ZNF136: variants seen among roughly 807,000 people sequenced by gnomAD.
ZNF136 encodes the protein zinc finger protein 136.
In ZNF136, 8 loss-of-function variants were observed where a neutral mutation model predicts 11.4. The observed-to-expected ratio is 0.70, with a 90% CI of 0.41 to 1.27. The LOEUF (loss-of-function observed/expected upper bound fraction) is 1.27. Ranked by LOEUF, ZNF136 falls within the 50% of genes most tolerant of loss-of-function variation. The probability of loss-of-function intolerance (pLI) is 0.01; values close to 1 mark genes in which losing one functional copy is unlikely to be tolerated. For missense variants in ZNF136, 590 were observed against 656.5 expected, an observed-to-expected ratio of 0.90 and a Z score of 1.11; for synonymous variants, 190 against 207.1, an observed-to-expected ratio of 0.92 and a Z score of 0.71.
chr19:12,183,699 A>T (rs1410459500), intron 1 of ZNF136, among the ~76,000 whole-genome samples: 1 of 152,046 alleles, frequency 6.6e-6, no homozygotes, highest in Non-Finnish European at 1.5e-5. Flanking sequence ...CCTGGTCTCA[A>T]GCAGTCCTCT....
At position 12,182,366 on chromosome 19, in the gene ZNF136, G is replaced by T. The variant is rs188515346; in HGVS notation, c.4-3419G>T. Among the ~76,000 whole-genome samples the T allele has an allele frequency of 2.0e-5, 3 of 152,318 alleles. No homozygotes were observed. In the East Asian group the frequency reaches 5.8e-4, roughly 29 times the overall value. ...CTGTCCTCTCTTTTCCTGGTCCTGG[G>T]GTTCAGAACTGACTGGGGCTGCCCC... On this transcript the variant is annotated intron_variant, in intron 1 of 3. Coordinates refer to ENST00000343979, the MANE Select transcript of ZNF136 (RefSeq NM_003437.5).
At chr19:12,171,312 A>G (rs1232577553) in intron 1 of ZNF136, among the ~76,000 whole-genome samples, 1 of 152,160 alleles carries the variant, frequency 6.6e-6, no homozygotes, top group African/African-American at 2.4e-5. Flanking sequence ...GGAAAAAAAA[A>G]TCCCTGGGAT....
intron 1 of ZNF136, among the ~76,000 whole-genome samples, chr19:12,176,897 G>C (rs567433743): frequency 2.0e-5 from 3 of 152,266 alleles, no homozygotes; most frequent in East Asian, 1.9e-4. Context: ...GTCTACCTGG[G>C]TATGGCCACC....
chr19:12,170,338 C>G (rs1914622108), intron 1 of ZNF136, among the ~76,000 whole-genome samples: 1 of 152,078 alleles, frequency 6.6e-6, no homozygotes, highest in South Asian at 2.1e-4. Flanking sequence ...AGTATTTTAT[C>G]TGTTGCCAAT....
intron 1 of ZNF136, chr19:12,169,537 G>A (rs1167922769): frequency 6.6e-6 from 1 of 152,112 alleles, no homozygotes; most frequent in Non-Finnish European, 1.5e-5. Flanking sequence ...TAAGCCTTGG[G>A]CATTTCTGGC....
chr19:12,163,342 C>A, intron 1 of ZNF136, 136 bp downstream of exon 1: 2 of 1,154,200 alleles, frequency 1.7e-6, no homozygotes, highest in Non-Finnish European at 2.2e-6. Flanking sequence ...CGCAGCTCAG[C>A]CCTTGGTACC....
chr19:12,163,396 C>A (rs1178643495), intron 1 of ZNF136, among the ~76,000 whole-genome samples, 190 bp downstream of exon 1: 1 of 152,226 alleles, frequency 6.6e-6, no homozygotes. Context: ...GGACCCCGGG[C>A]GTCCTCGTCC....
intron 1 of ZNF136, among the ~76,000 whole-genome samples, chr19:12,179,678 T>TCTC (rs1322938924): frequency 2.0e-5 from 3 of 152,120 alleles, no homozygotes; most frequent in Non-Finnish European, 4.4e-5. Flanking sequence ...GCAAGAAGCT[T>TCTC]CTCTGGATTG....
chr19:12,185,964 T>C (rs1415840901), intron 2 of ZNF136, 53 bp downstream of exon 2: 48 of 1,610,030 alleles, frequency 3.0e-5, no homozygotes, highest in Non-Finnish European at 3.9e-5. Context: ...GTGCTTCTTG[T>C]GCAGTGATGC....
At chr19:12,181,674 G>A (rs374767956) in intron 1 of ZNF136, among the ~76,000 whole-genome samples, 4 of 151,558 alleles carry the variant, frequency 2.6e-5, no homozygotes, top group South Asian at 2.1e-4. Context: ...TCACTGAGTC[G>A]CCCAGGCTGG....
intron 1 of ZNF136, among the ~76,000 whole-genome samples, chr19:12,174,256 C>G (rs916112616): frequency 3.9e-5 from 6 of 152,084 alleles, no homozygotes; most frequent in African/African-American, 1.2e-4. Context: ...GTCACAGAAG[C>G]CTTTTGTGTT....
At chr19:12,181,890 C>T (rs1410219021) in intron 1 of ZNF136, among the ~76,000 whole-genome samples, 1 of 152,172 alleles carries the variant, frequency 6.6e-6, no homozygotes, top group Non-Finnish European at 1.5e-5. Flanking sequence ...CTGTCTCTGC[C>T]TCCCAAAGTA....
chr19:12,174,068 G>A (rs1374372200), intron 1 of ZNF136, among the ~76,000 whole-genome samples: 2 of 151,844 alleles, frequency 1.3e-5, no homozygotes, highest in African/African-American at 4.9e-5. Flanking sequence ...ACCACACCTG[G>A]CTACTTTTTT....
At chr19:12,184,174 G>A (rs150402021) in intron 1 of ZNF136, among the ~76,000 whole-genome samples, 57 of 152,148 alleles carry the variant, frequency 3.7e-4, no homozygotes, top group African/African-American at 1.4e-3. Flanking sequence ...GTTGAGGCGG[G>A]ATAATCCCTT....
chr19:12,170,040 C>T (rs1215348123), intron 1 of ZNF136, among the ~76,000 whole-genome samples: 6 of 149,234 alleles, frequency 4.0e-5, no homozygotes, highest in Non-Finnish European at 7.5e-5. Context: ...GTGATCTGCC[C>T]ACCTTGGCCT....
In ZNF136 at chr19:12,187,996, C is replaced by G. The variant is rs140648132; in HGVS notation, c.1618C>G (p.Leu540Val). The change falls in exon 4 of 4, where the codon CTT becomes GTT. Residue 540 changes from leucine (L) to valine (V), a missense_variant. Leu to Val is a conservative substitution (Grantham distance 32). Transcript: ENST00000343979. ...ACCTTATAAATGCATGTGGGAAAGC[C>G]TTTAATGCTCTGGGTTCATGTCAGA... ...GPPYKCMWES[L>V] 243 of 1,521,264 alleles carry G rather than the reference C, an allele frequency of 1.6e-4. 1 individual carries two copies. In the East Asian group the frequency reaches 5.0e-3, roughly 31 times the overall value. The allele number at this position is 1,521,264 out of a possible 1,614,324, so 94.2% of individuals were successfully genotyped here.
At chr19:12,186,290 A>C in intron 3 of ZNF136, 116 bp downstream of exon 3, 1 of 1,146,974 alleles carries the variant, frequency 8.7e-7, no homozygotes, top group Non-Finnish European at 1.2e-6. Flanking sequence ...TATTTTTTGA[A>C]TATTTTCCCC....
chr19:12,168,371 C>G (rs1053452627), intron 1 of ZNF136, among the ~76,000 whole-genome samples: 1 of 151,848 alleles, frequency 6.6e-6, no homozygotes, highest in African/African-American at 2.4e-5. Flanking sequence ...ACCACGCCCC[C>G]GACAAGCCCC....
chr19:12,172,202 G>C (rs775397146), intron 1 of ZNF136, among the ~76,000 whole-genome samples: 2 of 152,032 alleles, frequency 1.3e-5, no homozygotes, highest in East Asian at 3.9e-4. Context: ...ACTTGCCTTG[G>C]CCTCCCAACA....
Sources: gnomAD v4.1 joint callset for allele counts (sites outside exome capture counted in the v4.1 genomes callset) on GRCh38, gnomAD v4.1.1 for gene constraint, MANE v1.5 for transcripts, NCBI Gene and HGNC (gene_info 2026-07-23, HGNC 2026-07-21) for gene names.